PIAS2: variants seen among roughly 807,000 people sequenced by gnomAD.
PIAS2 encodes the protein protein inhibitor of activated STAT 2.
Under a neutral mutation model 69.7 loss-of-function variants are expected in PIAS2, and 19 were observed. The ratio of observed to expected loss-of-function variants is 0.27; its 90% CI spans 0.19 to 0.40. The LOEUF is 0.40. Among genes scored for constraint, PIAS2 ranks in the 10% least tolerant of loss-of-function variants. PIAS2 has a pLI of 1.00. For missense variants in PIAS2, 624 were observed against 757.0 expected (o/e 0.82, Z 2.06); for synonymous variants, 261 against 263.2 (o/e 0.99, Z 0.08).
chr18:46,875,627 T>C (rs1267245893), intron 2 of PIAS2, among the ~76,000 whole-genome samples: 3 of 152,090 alleles, frequency 2.0e-5, no homozygotes, highest in African/African-American at 7.2e-5. Context: ...AGCATTCTCC[T>C]CCCATCTCCA....
chr18:46,916,696 G>T, intron 1 of PIAS2: 1 of 431,958 alleles, frequency 2.3e-6, no homozygotes, highest in Non-Finnish European at 3.1e-6. Context: ...AGACTTTGCA[G>T]ATTTCTTACT....
chr18:46,890,805 C>T lies in PIAS2; in HGVS notation c.274G>A (p.Val92Ile). The change falls in exon 2 of 14, where the codon GTA becomes ATA. Residue 92 changes from valine to isoleucine, a missense_variant. Coordinates refer to ENST00000585916, the MANE Select transcript of PIAS2 (RefSeq NM_004671.5). ...VFSLDGGSSP[V>I]EPDLAVAGIH... ...CCAGCCACGGCCAAGTCAGGTTCTA[C>T]AGGTGATGAGCCACCATCCAAACTG... is the stretch of plus-strand genomic sequence containing the variant. The T allele has an allele frequency of 6.2e-7, 1 of 1,614,184 alleles. No homozygotes were observed. Among genetic ancestry groups the T allele is most frequent in the Non-Finnish European group, 8.5e-7 (1 of 1,180,026 alleles).
At chr18:46,829,907 C>G in intron 9 of PIAS2, 40 bp from the exon 10 acceptor site, 1 of 1,577,416 alleles carries the variant, frequency 6.3e-7, no homozygotes, top group South Asian at 1.2e-5. Flanking sequence ...TGATCAACAG[C>G]TTTGCCTAAA....
intron 1 of PIAS2, among the ~76,000 whole-genome samples, chr18:46,908,588 T>C (rs571654040): frequency 6.6e-6 from 1 of 152,272 alleles, no homozygotes; most frequent in Admixed American, 6.5e-5. Flanking sequence ...TCTTATACTT[T>C]TACAATAATG....
chr18:46,900,767 C>A (rs4640275), intron 1 of PIAS2, among the ~76,000 whole-genome samples: 11,656 of 150,682 alleles, frequency 0.077, 485 homozygotes, highest in African/African-American at 0.1. Flanking sequence ...CGAGGTCAGG[C>A]GTTCAAGACC....
intron 1 of PIAS2, among the ~76,000 whole-genome samples, chr18:46,913,561 T>TAAAA (rs758512713): frequency 1.3e-4 from 18 of 136,416 alleles, no homozygotes; most frequent in Non-Finnish European, 2.2e-4. Flanking sequence ...GGGAGATCCT[T>TAAAA]AAAAAAAAAA....
intron 2 of PIAS2, among the ~76,000 whole-genome samples, chr18:46,874,035 G>T (rs1478904823): frequency 6.6e-6 from 1 of 152,170 alleles, no homozygotes; most frequent in Non-Finnish European, 1.5e-5. Flanking sequence ...TATCTCAGTT[G>T]CATCAAGAAA....
rs1427787974 is a variant in PIAS2, at chr18:46,846,971, C to T, written c.727-130G>A. 1.4e-5 allele frequency: 10 copies of T among 698,020 alleles called. No individual in the cohort carries two copies. In the Admixed American group the frequency reaches 4.1e-4, roughly 29 times the overall value. The allele number at this position is 698,020 out of a possible 1,614,324, so 43.2% of individuals were successfully genotyped here. ...TTATTTTAGCCTAAAAATCATATAG[C>T]CCTTATGATCATTATCAACCCAAAA... On this transcript the variant is annotated intron_variant, in intron 5 of 13. Transcript: ENST00000585916.
At chr18:46,896,165 C>CAAAAAAAAAAAAAAAAAAAAA (rs1199712335) in intron 1 of PIAS2, among the ~76,000 whole-genome samples, 1 of 31,952 alleles carries the variant, frequency 3.1e-5, no homozygotes, top group East Asian at 8.8e-4. Context: ...AAGAAAAAAG[C>CAAAAAAAAAAAAAAAAAAAAA]AAAAAAAAAA....
At chr18:46,897,031 G>T (rs954311433) in intron 1 of PIAS2, among the ~76,000 whole-genome samples, 33 of 152,044 alleles carry the variant, frequency 2.2e-4, no homozygotes, top group African/African-American at 7.7e-4. Flanking sequence ...CTGTGTACTG[G>T]GGACACGAAG....
At chr18:46,856,151 G>A (rs1194964324) in intron 3 of PIAS2, among the ~76,000 whole-genome samples, 20 of 151,434 alleles carry the variant, frequency 1.3e-4, no homozygotes, top group South Asian at 2.1e-4. Flanking sequence ...GACTACAGGC[G>A]CCCGCCACCA....
At chr18:46,845,347 C>T (rs999098331) in intron 6 of PIAS2, among the ~76,000 whole-genome samples, 1 of 152,108 alleles carries the variant, frequency 6.6e-6, no homozygotes, top group African/African-American at 2.4e-5. Context: ...CAGAAGAAAC[C>T]ACCTGCTACT....
At chr18:46,901,669 C>A (rs904313260) in intron 1 of PIAS2, among the ~76,000 whole-genome samples, 22 of 152,246 alleles carry the variant, frequency 1.4e-4, no homozygotes, top group Non-Finnish European at 2.6e-4. Flanking sequence ...TTACAAAAAA[C>A]CAAATCATAT....
chr18:46,825,697 T>C (rs2042758309), intron 11 of PIAS2, among the ~76,000 whole-genome samples: 1 of 152,216 alleles, frequency 6.6e-6, no homozygotes, highest in African/African-American at 2.4e-5. Flanking sequence ...GACACTATGC[T>C]TATTTTATTA....
chr18:46,894,152 C>A (rs1164537449), intron 1 of PIAS2, among the ~76,000 whole-genome samples: 1 of 152,136 alleles, frequency 6.6e-6, no homozygotes. Context: ...AAATCCCTTT[C>A]CTTTATTTAG....
At chr18:46,907,684 T>C (rs1195736608) in intron 1 of PIAS2, 1 of 152,242 alleles carries the variant, frequency 6.6e-6, no homozygotes, top group Admixed American at 6.5e-5. Flanking sequence ...GGTCCACTTA[T>C]ACGCATATTT....
chr18:46,831,424 C>A (rs2043601761), intron 9 of PIAS2, among the ~76,000 whole-genome samples: 2 of 152,190 alleles, frequency 1.3e-5, no homozygotes, highest in African/African-American at 4.8e-5. Flanking sequence ...TATGTCACCA[C>A]AGACTTATCT....
intron 2 of PIAS2, among the ~76,000 whole-genome samples, chr18:46,889,848 T>G (rs1244178661): frequency 6.6e-6 from 1 of 152,194 alleles, no homozygotes; most frequent in Non-Finnish European, 1.5e-5. Flanking sequence ...AAGCAAAATG[T>G]GGTATCCTAT....
chr18:46,831,908 A>G (rs1183235891), intron 9 of PIAS2, among the ~76,000 whole-genome samples: 1 of 152,228 alleles, frequency 6.6e-6, no homozygotes, highest in African/African-American at 2.4e-5. Context: ...ATGTCTTAAA[A>G]TAATACCAAA....
Sources: allele counts gnomAD v4.1 joint callset (sites outside exome capture counted in the v4.1 genomes callset), GRCh38; gene constraint gnomAD v4.1.1; transcripts MANE v1.5; gene names NCBI Gene and HGNC (gene_info 2026-07-23, HGNC 2026-07-21).